CDH20: variants seen among roughly 807,000 people sequenced by gnomAD.
The protein encoded by CDH20 is cadherin-20.
Under a neutral mutation model 74.2 loss-of-function variants are expected in CDH20, and 29 were observed. The ratio of observed to expected loss-of-function variants is 0.39; its 90% CI spans 0.29 to 0.53. The LOEUF is 0.53. Ranked by LOEUF, CDH20 falls within the 20% of genes least tolerant of loss-of-function variation. CDH20 has a pLI of 0.69. For synonymous variants in CDH20, 469 were observed against 405.4 expected (o/e 1.16, Z -1.88); for missense variants, 988 against 1,048.3 (o/e 0.94, Z 0.79).
chr18:61,383,674 T>C (rs1489984170), intron 1 of CDH20, among the ~76,000 whole-genome samples: 3 of 152,222 alleles, frequency 2.0e-5, no homozygotes, highest in Non-Finnish European at 4.4e-5. Flanking sequence ...TATCTGAAAT[T>C]CTACTGAGAG....
intron 6 of CDH20, among the ~76,000 whole-genome samples, chr18:61,509,097 G>C (rs924377381): frequency 3.3e-5 from 5 of 152,188 alleles, no homozygotes; most frequent in African/African-American, 9.7e-5. Flanking sequence ...AGGGGCAAGG[G>C]ATAAAAGACT....
At chr18:61,468,182 A>T (rs1297941722) in intron 1 of CDH20, among the ~76,000 whole-genome samples, 1 of 152,220 alleles carries the variant, frequency 6.6e-6, no homozygotes, top group Non-Finnish European at 1.5e-5. Flanking sequence ...TATCTGCAAG[A>T]GCAGCCGTGA....
chr18:61,469,471 C>T (rs1910088042), intron 1 of CDH20, among the ~76,000 whole-genome samples: 2 of 152,054 alleles, frequency 1.3e-5, no homozygotes, highest in South Asian at 2.1e-4. Flanking sequence ...GATCTGGCTG[C>T]TTCAGCAGTT....
intron 1 of CDH20, among the ~76,000 whole-genome samples, chr18:61,439,887 T>A (rs950808137): frequency 3.3e-5 from 5 of 152,200 alleles, no homozygotes; most frequent in African/African-American, 1.2e-4. Context: ...ATATTCCTAT[T>A]TCAAAGAATT....
At chr18:61,481,528 G>A (rs1191159218) in intron 1 of CDH20, among the ~76,000 whole-genome samples, 2 of 152,058 alleles carry the variant, frequency 1.3e-5, no homozygotes, top group Non-Finnish European at 2.9e-5. Context: ...AGAAGACAAG[G>A]TTTTACTTTC....
chr18:61,470,475 C>T (rs1435716093), intron 1 of CDH20, among the ~76,000 whole-genome samples: 1 of 152,134 alleles, frequency 6.6e-6, no homozygotes, highest in Non-Finnish European at 1.5e-5. Flanking sequence ...CGGAATGACA[C>T]GCAGCCATCC....
chr18:61,349,770 A>G (rs1295101597), intron 1 of CDH20, among the ~76,000 whole-genome samples: 3 of 152,270 alleles, frequency 2.0e-5, no homozygotes, highest in African/African-American at 7.2e-5. Flanking sequence ...ATGAAAAAAA[A>G]AAAAAGAGAG....
At chr18:61,520,366 A>G (rs1399192649) in intron 6 of CDH20, among the ~76,000 whole-genome samples, 1 of 150,526 alleles carries the variant, frequency 6.6e-6, no homozygotes, top group Non-Finnish European at 1.5e-5. Context: ...TGGTAAAGGT[A>G]TCAATGCAAC....
At chr18:61,416,998 T>C (rs578257201) in intron 1 of CDH20, among the ~76,000 whole-genome samples, 1 of 152,240 alleles carries the variant, frequency 6.6e-6, no homozygotes, top group Non-Finnish European at 1.5e-5. Context: ...ACCAGAAAAA[T>C]ATTAAAAATC....
intron 1 of CDH20, among the ~76,000 whole-genome samples, chr18:61,382,200 T>G (rs1037179121): frequency 5.3e-5 from 8 of 152,232 alleles, no homozygotes; most frequent in Admixed American, 3.9e-4. Context: ...AAAAGTTTCT[T>G]ATAGTATTAT....
chr18:61,342,107 TC>T (rs1439049691), intron 1 of CDH20, among the ~76,000 whole-genome samples: 1 of 152,216 alleles, frequency 6.6e-6, no homozygotes, highest in Non-Finnish European at 1.5e-5. Context: ...TCAAATTGTT[TC>T]GAGTTGTTTC....
intron 4 of CDH20, 21 bp downstream of exon 4, chr18:61,500,523 G>A: frequency 6.3e-7 from 1 of 1,595,530 alleles, no homozygotes; most frequent in Non-Finnish European, 8.5e-7. Flanking sequence ...CAAGGGTCGA[G>A]TCAGAGGTGT....
chr18:61,455,951 T>G (rs1418307302), intron 1 of CDH20, among the ~76,000 whole-genome samples: 1 of 152,208 alleles, frequency 6.6e-6, no homozygotes, highest in African/African-American at 2.4e-5. Context: ...TGTAAAGAAC[T>G]TTTCATAAAT....
Position 61,337,944 on chromosome 18 carries a change from G to T in CDH20, c.-153+4117G>T, listed in dbSNP as rs181522273. ...AAGTATAATTGTTCTGGGAATAAAA[G>T]CATTGTTATAAAAGCATTATACATT... is the stretch of plus-strand genomic sequence containing the variant. On this transcript the variant is annotated intron_variant, in intron 1 of 11. Coordinates refer to ENST00000262717, the MANE Select transcript of CDH20 (RefSeq NM_031891.4). Among the ~76,000 whole-genome samples, 12 of 152,272 alleles carry T rather than the reference G, an allele frequency of 7.9e-5. No homozygotes were observed. The East Asian group carries it at 2.3e-3, about 29-fold the overall frequency.
intron 1 of CDH20, among the ~76,000 whole-genome samples, chr18:61,480,138 C>A (rs1910536548): frequency 1.3e-5 from 2 of 152,114 alleles, no homozygotes; most frequent in Non-Finnish European, 2.9e-5. Flanking sequence ...GGAGGCTGAC[C>A]TTGAAAAGAA....
In CDH20 at chr18:61,413,662, A is replaced by G. The variant is rs1599068378; in HGVS notation, c.-152-76740A>G. Among the ~76,000 whole-genome samples, 3 of 151,926 alleles carry G rather than the reference A, an allele frequency of 2.0e-5. No homozygotes were observed. In the East Asian group the frequency reaches 5.8e-4, roughly 29 times the overall value. The stretch of plus-strand genomic sequence containing the variant: ...ACATCAATACAATGAACTACAATAT[A>G]TTTTTTATATCCTCTGTAGGTGTTC... On this transcript the variant is annotated intron_variant, in intron 1 of 11. Coordinates refer to ENST00000262717, the MANE Select transcript of CDH20 (RefSeq NM_031891.4).
intron 1 of CDH20, among the ~76,000 whole-genome samples, chr18:61,373,666 T>G (rs1352999762): frequency 6.6e-6 from 1 of 152,082 alleles, no homozygotes; most frequent in Non-Finnish European, 1.5e-5. Flanking sequence ...AACTAACAAC[T>G]ACTGCTAGAA....
intron 1 of CDH20, among the ~76,000 whole-genome samples, chr18:61,425,200 A>G (rs1033669157): frequency 3.9e-5 from 6 of 152,178 alleles, no homozygotes; most frequent in African/African-American, 1.4e-4. Flanking sequence ...AAAGTCCTAG[A>G]GAGGCTTATG....
At chr18:61,538,924 G>T in intron 8 of CDH20, 100 bp from the exon 9 acceptor site, 5 of 1,364,490 alleles carry the variant, frequency 3.7e-6, no homozygotes, top group Non-Finnish European at 3.1e-6. Context: ...GAGCCACTGC[G>T]CCCAGTCGTA....
Sources: allele counts gnomAD v4.1 joint callset (sites outside exome capture counted in the v4.1 genomes callset), GRCh38; gene constraint gnomAD v4.1.1; transcripts MANE v1.5; gene names NCBI Gene and HGNC (gene_info 2026-07-23, HGNC 2026-07-21).